Variants in SOX5 observed in about 807,000 individuals in gnomAD.
SOX5 encodes SRY-box transcription factor 5.
A neutral mutation model predicts 92.0 loss-of-function variants in SOX5; 9 were observed. The ratio of observed to expected loss-of-function variants is 0.10; its 90% CI spans 0.06 to 0.17. The LOEUF (loss-of-function observed/expected upper bound fraction) is 0.17. Ranked by LOEUF, SOX5 falls within the 10% of genes least tolerant of loss-of-function variation. The pLI is 1.00. For synonymous variants in SOX5, 344 were observed against 336.3 expected (o/e 1.02, Z -0.25); for missense variants, 642 against 944.5 (o/e 0.68, Z 4.20).
intron 2 of SOX5, among the ~76,000 whole-genome samples, chr12:24,280,471 C>A (rs1487527513): frequency 6.6e-6 from 1 of 152,076 alleles, no homozygotes; most frequent in African/African-American, 2.4e-5. Flanking sequence ...TACATAATAT[C>A]ATTTTAAAAA....
At chr12:24,261,524 A>G (rs1288935580) in intron 3 of SOX5, among the ~76,000 whole-genome samples, 1 of 152,186 alleles carries the variant, frequency 6.6e-6, no homozygotes, top group East Asian at 1.9e-4. Context: ...ACCACACAGG[A>G]GAAAAATCTT....
At chr12:24,058,925 C>T (rs1470370675) in intron 4 of SOX5, among the ~76,000 whole-genome samples, 1 of 152,142 alleles carries the variant, frequency 6.6e-6, no homozygotes, top group Non-Finnish European at 1.5e-5. Context: ...TGTCAAGGGG[C>T]CTTTCCATGA....
chr12:23,873,172 C>T (rs1386380869), intron 2 of SOX5, among the ~76,000 whole-genome samples: 1 of 152,122 alleles, frequency 6.6e-6, no homozygotes, highest in African/African-American at 2.4e-5. Flanking sequence ...AAATCATTAT[C>T]TCTGATCACT....
chr12:24,359,510 G>A lies in SOX5; in HGVS notation c.-174+9053C>T, dbSNP rs537616439. 2.0e-5 allele frequency among the ~76,000 whole-genome samples: 3 copies of A among 152,242 alleles called. No individual in the cohort carries two copies. The South Asian group carries it at 6.2e-4, about 32-fold the overall frequency. ...GTTTACAAGGGGCACTAAAGAAAAT[G>A]GGCATGGAGGAAGAAGTTGTTCTTC... On this transcript the variant is annotated intron_variant, in intron 2 of 4. Transcript: ENST00000446891.
intron 4 of SOX5, among the ~76,000 whole-genome samples, chr12:24,080,799 T>A (rs889097412): frequency 6.6e-6 from 1 of 151,984 alleles, no homozygotes; most frequent in Admixed American, 6.6e-5. Context: ...TAAGCAAAGC[T>A]GAATTTTTAA....
At position 23,598,450 on chromosome 12, in the gene SOX5, G is replaced by C. The variant is rs1395545821; in HGVS notation, c.1164+5937C>G. Among the ~76,000 whole-genome samples, 4 of 139,030 alleles carry C rather than the reference G, an allele frequency of 2.9e-5. No homozygotes were observed. The East Asian group carries it at 8.7e-4, about 30-fold the overall frequency. The allele number at this position is 139,030 out of a possible 152,430, so 91.2% of individuals were successfully genotyped here. A position where few individuals can be genotyped will look rare whatever the true frequency, so the allele number is the denominator to read the frequency against. On this transcript the variant is annotated intron_variant, in intron 9 of 14. Transcript: ENST00000451604. ...GTCTCCCTCTGTTGCCCAGGCTGGA[G>C]TGCAGTGGCGCGATCTCGGCTCACT...
intron 3 of SOX5, among the ~76,000 whole-genome samples, chr12:24,249,467 A>G (rs1306429376): frequency 6.6e-6 from 1 of 152,210 alleles, no homozygotes; most frequent in Non-Finnish European, 1.5e-5. Context: ...CTTTCAGGGC[A>G]GGTTTTCGTG....
At chr12:24,528,209 C>T (rs998366386) in intron 1 of SOX5, among the ~76,000 whole-genome samples, 2 of 152,188 alleles carry the variant, frequency 1.3e-5, no homozygotes. Context: ...CTCCTCTTTG[C>T]CACTTCTCAA....
chr12:23,983,720 A>G (rs1195159050), intron 4 of SOX5, among the ~76,000 whole-genome samples: 1 of 152,200 alleles, frequency 6.6e-6, no homozygotes, highest in Admixed American at 6.5e-5. Context: ...GTTATTGCAG[A>G]AAGGAGAGAT....
intron 8 of SOX5, among the ~76,000 whole-genome samples, chr12:23,606,129 T>C (rs113977619): frequency 3.3e-5 from 5 of 152,060 alleles, no homozygotes; most frequent in African/African-American, 1.2e-4. Flanking sequence ...CATTATATAC[T>C]GCAATTTAAA....
Position 24,167,218 on chromosome 12 carries a change from AG to A in SOX5, c.-2+46124del, listed in dbSNP as rs550313808. ...AACGATAGTTGTATGATTTTTTACA[AG>A]GAAATCATGGTGAAATAAATTTGGG... On this transcript the variant is annotated intron_variant, in intron 4 of 4. Coordinates refer to the SOX5 transcript ENST00000446891. 5.2e-3 allele frequency among the ~76,000 whole-genome samples: 793 copies of A among 152,326 alleles called. 4 individuals carry two copies. Among genetic ancestry groups the A allele is most frequent in the Middle Eastern group, 0.031 (9 of 294 alleles).
At chr12:24,291,528 G>A (rs1237660328) in intron 2 of SOX5, among the ~76,000 whole-genome samples, 2 of 152,206 alleles carry the variant, frequency 1.3e-5, no homozygotes, top group East Asian at 3.8e-4. Context: ...ATGAAGAGAT[G>A]TAGATAAATC....
chr12:23,740,972 G>C lies in SOX5; in HGVS notation c.636C>G (p.Leu212=). The change falls in exon 5 of 15, where the codon CTC becomes CTG. Residue 212 remains leucine, a synonymous_variant. Coordinates refer to ENST00000451604, the MANE Select transcript of SOX5 (RefSeq NM_006940.6). The stretch of plus-strand genomic sequence containing the variant: ...CGTGGGCAGCCAACAGCTGCTCTCG[G>C]AGGCTGGTCAGCTGGTTGATCATAC... ...LMGMINQLTS[L]REQLLAAHDE... is the part of the protein sequence containing the mutation. 6.2e-7 allele frequency: 1 copy of C among 1,612,688 alleles called. No individual in the cohort carries two copies. The highest frequency in any genetic ancestry group is 8.5e-7 in the Non-Finnish European group (1 of 1,179,040).
intron 4 of SOX5, among the ~76,000 whole-genome samples, chr12:24,196,120 T>C (rs1296911751): frequency 6.6e-6 from 1 of 152,166 alleles, no homozygotes; most frequent in Non-Finnish European, 1.5e-5. Context: ...TCTGGCCTCA[T>C]GTGATCCGCC....
rs1026113515 is a variant in SOX5, at chr12:23,809,558, T to C, written c.481+36425A>G. Among the ~76,000 whole-genome samples the C allele has an allele frequency of 5.3e-5, 8 of 151,924 alleles. No homozygotes were observed. The East Asian group carries it at 1.4e-3, about 26-fold the overall frequency. ...CATTAATGATCTGTTTATATTATTC[T>C]TAAATACCTTAAAATCAATTTAAGA... On this transcript the variant is annotated intron_variant, in intron 3 of 14. Coordinates refer to ENST00000451604, the MANE Select transcript of SOX5 (RefSeq NM_006940.6).
At chr12:23,976,397 A>T (rs1451619892) in intron 4 of SOX5, among the ~76,000 whole-genome samples, 1 of 121,398 alleles carries the variant, frequency 8.2e-6, no homozygotes, top group Non-Finnish European at 1.6e-5. Context: ...TATTAAAAAA[A>T]CAAAAAAACA....
intron 1 of SOX5, among the ~76,000 whole-genome samples, chr12:23,947,137 G>T (rs901626086): frequency 6.6e-5 from 10 of 151,846 alleles, no homozygotes; most frequent in Non-Finnish European, 5.9e-5. Context: ...TAGTAAAAAT[G>T]ATCACATAAA....
intron 6 of SOX5, among the ~76,000 whole-genome samples, chr12:23,734,258 G>C (rs2093502486): frequency 6.6e-6 from 1 of 152,038 alleles, no homozygotes; most frequent in African/African-American, 2.4e-5. Context: ...CCATCCCTAT[G>C]TTCCATCTTT....
intron 7 of SOX5, among the ~76,000 whole-genome samples, chr12:23,642,032 T>A (rs1413320086): frequency 1.3e-5 from 2 of 152,210 alleles, no homozygotes; most frequent in Admixed American, 6.5e-5. Context: ...AGCTTAAACT[T>A]TGGGCTTTTG....
Sources: allele counts gnomAD v4.1 joint callset (sites outside exome capture counted in the v4.1 genomes callset), GRCh38; gene constraint gnomAD v4.1.1; transcripts MANE v1.5; gene names NCBI Gene and HGNC (gene_info 2026-07-23, HGNC 2026-07-21).